Variants in HGSNAT observed in about 807,000 individuals in gnomAD.
HGSNAT encodes heparan-alpha-glucosaminide N-acetyltransferase.
HGSNAT carries 59 observed loss-of-function variants against 85.2 expected under a neutral mutation model. The ratio of observed to expected loss-of-function variants is 0.69; its 90% CI spans 0.56 to 0.86. The LOEUF is 0.86. Ranked by LOEUF, HGSNAT falls within the 40% of genes least tolerant of loss-of-function variation. HGSNAT has a pLI of 0.00. For missense variants in HGSNAT, 756 were observed against 777.1 expected (o/e 0.97, Z 0.32); for synonymous variants, 321 against 304.5 (o/e 1.05, Z -0.56).
chr8:43,186,920 G>A (rs376470030), intron 11 of HGSNAT, among the ~76,000 whole-genome samples: 1 of 152,090 alleles, frequency 6.6e-6, no homozygotes, highest in Non-Finnish European at 1.5e-5. Flanking sequence ...ATTCAGGAGT[G>A]GGTTGTTCAG....
Position 43,169,608 on chromosome 8 carries a change from A to G in HGSNAT, c.633+366A>G, listed in dbSNP as rs184573536. On this transcript the variant is annotated intron_variant, in intron 6 of 17. Coordinates refer to ENST00000379644, the MANE Select transcript of HGSNAT (RefSeq NM_152419.3). ...CTGATGGCCTCCTCTAATGATTTAA[A>G]TATGTCATTAAATTTTTGTTAATAA... 4.6e-5 allele frequency among the ~76,000 whole-genome samples: 7 copies of G among 152,342 alleles called. No homozygotes were observed. The East Asian group carries it at 1.3e-3, about 29-fold the overall frequency.
chr8:43,164,028 G>A (rs182146093), intron 5 of HGSNAT, among the ~76,000 whole-genome samples: 188 of 152,302 alleles, frequency 1.2e-3, no homozygotes, highest in African/African-American at 4.4e-3. Flanking sequence ...CTATGTGACG[G>A]TATTAAGGAA....
intron 11 of HGSNAT, among the ~76,000 whole-genome samples, chr8:43,183,620 G>A (rs534430987): frequency 1.3e-5 from 2 of 152,048 alleles, no homozygotes; most frequent in African/African-American, 4.8e-5. Context: ...ACAGGCGCCC[G>A]CCACCACTCC....
At chr8:43,187,741 T>C (rs1198330246) in intron 11 of HGSNAT, among the ~76,000 whole-genome samples, 1 of 152,250 alleles carries the variant, frequency 6.6e-6, no homozygotes, top group African/African-American at 2.4e-5. Context: ...CTAGCATTGA[T>C]GGTCTTTACA....
chr8:43,185,120 G>T (rs1345294849), intron 11 of HGSNAT, among the ~76,000 whole-genome samples: 1 of 152,186 alleles, frequency 6.6e-6, no homozygotes, highest in Non-Finnish European at 1.5e-5. Context: ...GGCAATGCAG[G>T]CTCTTTTTTG....
At chr8:43,169,466 C>T (rs553018464) in intron 6 of HGSNAT, among the ~76,000 whole-genome samples, 3 of 152,316 alleles carry the variant, frequency 2.0e-5, no homozygotes, top group African/African-American at 7.2e-5. Flanking sequence ...TATCAGGATA[C>T]CTGAGGTAGA....
chr8:43,140,670 C>T (rs1195663931), intron 1 of HGSNAT, 56 bp downstream of exon 1: 5 of 877,268 alleles, frequency 5.7e-6, no homozygotes, highest in African/African-American at 1.8e-5. Context: ...CGTCTCCTCT[C>T]CGCGGCGCCG....
Position 43,182,242 on chromosome 8 carries a change from G to A in HGSNAT, c.1110G>A (p.Val370=). Residue 370 remains valine (V), a synonymous_variant, in exon 11 of 18, where the codon GTG becomes GTA. Transcript: ENST00000379644. ...TGGAGCTCCTCTTTGCTAAACCTGT[G>A]CCTGAACATTGTGCCTCGGTGAGAA... ...AVLELLFAKP[V]PEHCASERSC... 6.2e-7 allele frequency: 1 copy of A among 1,613,538 alleles called. No homozygotes were observed. Among genetic ancestry groups the A allele is most frequent in the South Asian group, 1.1e-5 (1 of 91,082 alleles).
chr8:43,199,203 T>G (rs1804835965), intron 17 of HGSNAT, among the ~76,000 whole-genome samples, 185 bp from the exon 18 acceptor site: 1 of 152,244 alleles, frequency 6.6e-6, no homozygotes, highest in African/African-American at 2.4e-5. Context: ...ACCAGGCCTT[T>G]CAATAATTTT....
Position 43,169,223 on chromosome 8 carries a change from C to G in HGSNAT, c.614C>G (p.Thr205Ser), listed in dbSNP as rs1454265686. Residue 205 changes from threonine to serine, a missense_variant, in exon 6 of 18, where the codon ACT becomes AGT. Thr to Ser is a moderately conservative substitution (Grantham distance 58). Transcript: ENST00000379644. ...TCTAAAGCCATAAGTTCTCGAGAAACTGATCGCCTCATCAATTCTGTAAGT... is the reference window on the plus strand; with the variant it reads ...TCTAAAGCCATAAGTTCTCGAGAAAGTGATCGCCTCATCAATTCTGTAAGT... ...WISKAISSRE[T>S]DRLINSELGS... 1 of 1,584,756 alleles carries G rather than the reference C, an allele frequency of 6.3e-7. No individual in the cohort carries two copies. Among genetic ancestry groups the G allele is most frequent in the Non-Finnish European group, 8.6e-7 (1 of 1,163,358 alleles).
chr8:43,146,145 C>T (rs530398048), intron 1 of HGSNAT, among the ~76,000 whole-genome samples: 1 of 152,056 alleles, frequency 6.6e-6, no homozygotes, highest in East Asian at 1.9e-4. Flanking sequence ...TGGATTGGGG[C>T]ATGCTCCCAA....
At chr8:43,199,148 G>A (rs555455390) in intron 17 of HGSNAT, among the ~76,000 whole-genome samples, 217 of 152,274 alleles carry the variant, frequency 1.4e-3, no homozygotes, top group African/African-American at 5.0e-3. Flanking sequence ...CGATCCACCC[G>A]CTTTGGCCTC....
At chr8:43,146,707 C>A (rs559317474) in intron 1 of HGSNAT, among the ~76,000 whole-genome samples, 3 of 151,926 alleles carry the variant, frequency 2.0e-5, no homozygotes, top group Non-Finnish European at 4.4e-5. Flanking sequence ...GTAGAGACAT[C>A]TGTGCAAAAG....
chr8:43,143,541 CT>C (rs906460660), intron 1 of HGSNAT, among the ~76,000 whole-genome samples: 356 of 142,816 alleles, frequency 2.5e-3, no homozygotes, highest in Admixed American at 2.7e-3. Context: ...TTCTTTCTTT[CT>C]TTTTTTTTTT....
At chr8:43,171,419 C>T (rs578161539) in intron 7 of HGSNAT, among the ~76,000 whole-genome samples, 1 of 152,240 alleles carries the variant, frequency 6.6e-6, no homozygotes, top group Non-Finnish European at 1.5e-5. Context: ...TGTTCTAACT[C>T]GTCTTAATTT....
chr8:43,179,320 A>T (rs1311534309), intron 10 of HGSNAT, among the ~76,000 whole-genome samples: 4 of 147,834 alleles, frequency 2.7e-5, no homozygotes, highest in Non-Finnish European at 6.0e-5. Flanking sequence ...GCGGCCGGGC[A>T]GAGGCGCCCC....
At chr8:43,189,334 C>T (rs926633753) in intron 11 of HGSNAT, among the ~76,000 whole-genome samples, 6 of 152,178 alleles carry the variant, frequency 3.9e-5, no homozygotes, top group Non-Finnish European at 5.9e-5. Context: ...TCAGCAATGG[C>T]GGATGCCCTT....
intron 2 of HGSNAT, among the ~76,000 whole-genome samples, chr8:43,148,623 A>G (rs1802789426): frequency 6.6e-6 from 1 of 151,150 alleles, no homozygotes; most frequent in Non-Finnish European, 1.5e-5. Flanking sequence ...CCCCATCTCT[A>G]TTAAAAAATA....
intron 1 of HGSNAT, among the ~76,000 whole-genome samples, chr8:43,145,631 G>A (rs1277050708): frequency 6.6e-6 from 1 of 151,998 alleles, no homozygotes; most frequent in Non-Finnish European, 1.5e-5. Context: ...CGTGCCTGTA[G>A]TCCCAGCTAC....
Sources: allele counts gnomAD v4.1 joint callset (sites outside exome capture counted in the v4.1 genomes callset), GRCh38; gene constraint gnomAD v4.1.1; transcripts MANE v1.5; gene names NCBI Gene and HGNC (gene_info 2026-07-23, HGNC 2026-07-21).